The following UPB1 variants were observed in gnomAD, a reference collection of about 807,000 sequenced individuals.
UPB1 encodes beta-ureidopropionase.
In UPB1, 40 loss-of-function variants were observed where a neutral mutation model predicts 49.1. The ratio of observed to expected loss-of-function variants is 0.81; its 90% confidence interval spans 0.63 to 1.06. The LOEUF is 1.06. Ranked by LOEUF, UPB1 falls within the 50% of genes least tolerant of loss-of-function variation. The pLI, the probability that UPB1 is intolerant of heterozygous loss-of-function variation, is 0.00. For missense variants in UPB1, 499 were observed against 505.9 expected (o/e 0.99, Z 0.13); for synonymous variants, 207 against 198.2 (o/e 1.04, Z -0.38).
rs563616424 is a variant in UPB1 at position 24,495,439 on chromosome 22, C to G, written c.36C>G (p.Cys12Trp). 6.2e-7 allele frequency: 1 copy of G among 1,613,594 alleles called. No homozygotes were observed. The highest frequency in any genetic ancestry group is 1.3e-5 in the African/African-American group (1 of 74,932). Residue 12 changes from cysteine (C) to tryptophan (W), a missense_variant, in exon 1 of 10, where the codon TGC becomes TGG. Transcript: ENST00000326010. ...AGAEWKSLEE[C>W]LEKHLPLPDL... Reference sequence around the variant, plus strand: ...CTGAGTGGAAGTCGCTGGAGGAATGCTTGGAGAAGCACCTGCCGCTCCCCG... The same window carrying G: ...CTGAGTGGAAGTCGCTGGAGGAATGGTTGGAGAAGCACCTGCCGCTCCCCG...
At chr22:24,517,764 C>T (rs538739722) in intron 6 of UPB1, among the ~76,000 whole-genome samples, 37 of 152,288 alleles carry the variant, frequency 2.4e-4, no homozygotes, top group African/African-American at 8.2e-4. Flanking sequence ...GCAGTAAAAA[C>T]TAACAGGTCT....
In UPB1 at chr22:24,515,199, A is replaced by G. The variant is rs2044271117; in HGVS notation, c.622-2A>G. 1 of 1,614,156 alleles carries G rather than the reference A, an allele frequency of 6.2e-7. No homozygotes were observed. Among genetic ancestry groups the G allele is most frequent in the Non-Finnish European group, 8.5e-7 (1 of 1,180,028 alleles). ...ATCAGTATATGGCCCTTTGCTTTTCAGTCAACTTACTACATGGAGGGAAAC... is the reference window on the plus strand; with the variant it reads ...ATCAGTATATGGCCCTTTGCTTTTCGGTCAACTTACTACATGGAGGGAAAC... On this transcript the variant is annotated splice_acceptor_variant, in intron 5 of 9. Transcript: ENST00000326010. LOFTEE classifies it high-confidence loss of function.
chr22:24,495,421 G>T lies in UPB1; in HGVS notation c.18G>T (p.Trp6Cys). MAGAE[W>C]KSLEECLEKH... ...CCGTGGCCATGGCGGGCGCTGAGTG[G>T]AAGTCGCTGGAGGAATGCTTGGAGA... The change falls in exon 1 of 10, where the codon TGG becomes TGT. Residue 6 changes from tryptophan to cysteine, a missense_variant. Physicochemically the swap from Trp to Cys is radical, Grantham distance 215. Transcript: ENST00000326010. The T allele has an allele frequency of 1.2e-6, 2 of 1,613,436 alleles. No homozygotes were observed. Among genetic ancestry groups the T allele is most frequent in the Non-Finnish European group, 1.7e-6 (2 of 1,180,038 alleles).
At chr22:24,508,137 G>C (rs62231893) in intron 3 of UPB1, among the ~76,000 whole-genome samples, 1 of 152,124 alleles carries the variant, frequency 6.6e-6, no homozygotes, top group Non-Finnish European at 1.5e-5. Flanking sequence ...TAAGGCCCTC[G>C]CAGAGGCCAG....
intron 3 of UPB1, among the ~76,000 whole-genome samples, chr22:24,504,097 A>G (rs1335620588): frequency 6.6e-6 from 1 of 152,246 alleles, no homozygotes; most frequent in Non-Finnish European, 1.5e-5. Context: ...GCTGTCCACC[A>G]TGTACAAGAT....
intron 8 of UPB1, among the ~76,000 whole-genome samples, 182 bp from the exon 9 acceptor site, chr22:24,523,437 C>T (rs750310344): frequency 6.6e-6 from 1 of 152,230 alleles, no homozygotes; most frequent in African/African-American, 2.4e-5. Flanking sequence ...CCATTTGCAG[C>T]AATTTGCTGG....
At chr22:24,499,075 C>T (rs538919432) in intron 1 of UPB1, among the ~76,000 whole-genome samples, 16 of 152,246 alleles carry the variant, frequency 1.1e-4, no homozygotes, top group Admixed American at 8.5e-4. Context: ...TGAAGGGAAC[C>T]TTGACTACTT....
At chr22:24,515,104 AC>A (rs2044269930) in intron 5 of UPB1, 96 bp from the exon 6 acceptor site, 1 of 1,496,886 alleles carries the variant, frequency 6.7e-7, no homozygotes, top group East Asian at 2.3e-5. Flanking sequence ...CAGGAGTGTA[AC>A]CACCTCTGGA....
intron 3 of UPB1, among the ~76,000 whole-genome samples, chr22:24,507,227 C>T (rs1419863492): frequency 6.6e-6 from 1 of 152,222 alleles, no homozygotes; most frequent in Non-Finnish European, 1.5e-5. Flanking sequence ...CATTAAGGAG[C>T]ATTTGTGTTT....
In UPB1 at chr22:24,525,860, A is replaced by G. The variant is rs534741881; in HGVS notation, c.*66A>G. The G allele has an allele frequency of 1.3e-5, 21 of 1,590,500 alleles. No individual in the cohort carries two copies. The African/African-American group carries it at 2.7e-4, about 20-fold the overall frequency. ...GCCCCAGTGGATTAGCAAGTGTGGC[A>G]GGCTTAACATGTCCAGGTTCTCCCC... On this transcript the variant is annotated 3_prime_UTR_variant, in exon 10 of 10. Coordinates refer to ENST00000326010, the MANE Select transcript of UPB1 (RefSeq NM_016327.3).
intron 7 of UPB1, among the ~76,000 whole-genome samples, 163 bp from the exon 8 acceptor site, chr22:24,521,823 A>G (rs2044398466): frequency 6.6e-6 from 1 of 152,176 alleles, no homozygotes; most frequent in African/African-American, 2.4e-5. Context: ...TTTAATAAGC[A>G]CTTAATTGCC....
chr22:24,495,657 A>T (rs1267877320), intron 1 of UPB1, 150 bp downstream of exon 1: 1 of 809,584 alleles, frequency 1.2e-6, no homozygotes, highest in Non-Finnish European at 2.1e-6. Flanking sequence ...GTAGGTCTTG[A>T]TGGGACGGCC....
chr22:24,524,312 C>G (rs760397555), intron 9 of UPB1, among the ~76,000 whole-genome samples: 29 of 152,142 alleles, frequency 1.9e-4, no homozygotes, highest in Non-Finnish European at 3.4e-4. Context: ...GGGCTTAACT[C>G]GAAGGTCCCA....
At chr22:24,516,160 G>A (rs1190885925) in intron 6 of UPB1, among the ~76,000 whole-genome samples, 1 of 152,232 alleles carries the variant, frequency 6.6e-6, no homozygotes, top group African/African-American at 2.4e-5. Context: ...AAATGAGGGA[G>A]TTGGAGATCA....
chr22:24,501,717 A>T (rs1049215390), intron 2 of UPB1, among the ~76,000 whole-genome samples: 1 of 152,246 alleles, frequency 6.6e-6, no homozygotes, highest in Non-Finnish European at 1.5e-5. Context: ...CAGGATAAGT[A>T]GGATAAGTGT....
At chr22:24,496,412 C>CACACACAT (rs1275386124) in intron 1 of UPB1, among the ~76,000 whole-genome samples, 3 of 142,528 alleles carry the variant, frequency 2.1e-5, no homozygotes, top group African/African-American at 8.8e-5. Flanking sequence ...CATACACACA[C>CACACACAT]ACACACACAC....
chr22:24,509,720 T>TTG (rs905333171), intron 3 of UPB1, among the ~76,000 whole-genome samples: 5 of 147,350 alleles, frequency 3.4e-5, no homozygotes, highest in African/African-American at 1.3e-4. Flanking sequence ...TTAAAACTTT[T>TTG]TGTGTGTGTG....
chr22:24,515,397 G>T, intron 6 of UPB1, 27 bp downstream of exon 6: 8 of 1,613,900 alleles, frequency 5.0e-6, no homozygotes, highest in Non-Finnish European at 6.8e-6. Context: ...GGTCTGGGGG[G>T]CTTCCTGGGG....
rs1484978066 is a variant in UPB1 at position 24,502,086 on chromosome 22, A to G, written c.277-40A>G. On this transcript the variant is annotated intron_variant, in intron 2 of 9. Coordinates refer to ENST00000326010, the MANE Select transcript of UPB1 (RefSeq NM_016327.3). Reference sequence around the variant, plus strand: ...ATGAGATCCTAAAAATTGCCTTACCAATAGAACTAAATGGATTCTAATCCT... The same window carrying G: ...ATGAGATCCTAAAAATTGCCTTACCGATAGAACTAAATGGATTCTAATCCT... 10 of 1,608,378 alleles carry G rather than the reference A, an allele frequency of 6.2e-6. 1 individual carries two copies. In the African/African-American group the frequency reaches 8.0e-5, roughly 13 times the overall value.
Sources: gnomAD v4.1 joint callset for allele counts (sites outside exome capture counted in the v4.1 genomes callset) on GRCh38, gnomAD v4.1.1 for gene constraint, MANE v1.5 for transcripts, NCBI Gene and HGNC (gene_info 2026-07-23, HGNC 2026-07-21) for gene names.